Variants in DNAJC15 observed in about 807,000 individuals in gnomAD.
DNAJC15 encodes the protein dnaJ homolog subfamily C member 15.
A neutral mutation model predicts 22.4 loss-of-function variants in DNAJC15; 27 were observed. The observed-to-expected ratio is 1.20, with a 90% CI of 0.89 to 1.66. The LOEUF (loss-of-function observed/expected upper bound fraction) is 1.66. DNAJC15 is among the 40% of genes most tolerant of loss of function. DNAJC15 has a pLI of 0.00. For missense variants in DNAJC15, 208 were observed against 187.1 expected (o/e 1.11, Z -0.65); for synonymous variants, 79 against 63.2 (o/e 1.25, Z -1.19).
At chr13:43,072,808 C>G (rs1347464920) in intron 3 of DNAJC15, among the ~76,000 whole-genome samples, 1 of 152,204 alleles carries the variant, frequency 6.6e-6, no homozygotes, top group Non-Finnish European at 1.5e-5. Flanking sequence ...AAGTGATCCA[C>G]CCACCTCAAC....
chr13:43,042,342 C>T (rs1411370686), intron 1 of DNAJC15, among the ~76,000 whole-genome samples: 12 of 152,088 alleles, frequency 7.9e-5, no homozygotes, highest in Admixed American at 7.9e-4. Context: ...TTATTATAAC[C>T]ATGGAAAGCA....
intron 1 of DNAJC15, among the ~76,000 whole-genome samples, chr13:43,060,629 C>A (rs1429077422): frequency 6.6e-6 from 1 of 152,070 alleles, no homozygotes; most frequent in Non-Finnish European, 1.5e-5. Context: ...AAGTCGAGGC[C>A]TTGGTGATTT....
In DNAJC15 at chr13:43,083,861, T is replaced by C. The variant is rs78599548; in HGVS notation, c.312-1907T>C. Among the ~76,000 whole-genome samples, 695 of 152,286 alleles carry C rather than the reference T, an allele frequency of 4.6e-3. 7 individuals carry two copies. The highest frequency in any genetic ancestry group is 0.015 in the African/African-American group (638 of 41,564). On this transcript the variant is annotated intron_variant, in intron 4 of 5. Transcript: ENST00000379221. ...AGTTTAGAATGCTGCTTCAAAGACA[T>C]AGGTAAACAGCCAAGAGGAATACTC... is the stretch of plus-strand genomic sequence containing the variant.
intron 3 of DNAJC15, among the ~76,000 whole-genome samples, chr13:43,075,916 C>T (rs543404337): frequency 6.6e-6 from 1 of 152,342 alleles, no homozygotes; most frequent in East Asian, 1.9e-4. Flanking sequence ...CCGCCTCAGC[C>T]TCGCAAAGTG....
chr13:43,091,917 G>A (rs2040717159), intron 5 of DNAJC15, among the ~76,000 whole-genome samples: 1 of 152,074 alleles, frequency 6.6e-6, no homozygotes, highest in Admixed American at 6.6e-5. Context: ...CAATAATCTA[G>A]CATATGGTCA....
chr13:43,079,144 G>A (rs2040649874), intron 4 of DNAJC15, among the ~76,000 whole-genome samples: 1 of 152,202 alleles, frequency 6.6e-6, no homozygotes, highest in Middle Eastern at 3.4e-3. Context: ...TGGACAATAT[G>A]AGAGAAAATT....
chr13:43,038,573 A>C (rs1360884747), intron 1 of DNAJC15, among the ~76,000 whole-genome samples: 2 of 152,184 alleles, frequency 1.3e-5, no homozygotes, highest in Non-Finnish European at 2.9e-5. Context: ...CGGGCAGATC[A>C]CGAGGTCAGG....
chr13:43,066,914 C>T (rs9533376), intron 2 of DNAJC15, among the ~76,000 whole-genome samples: 31,741 of 152,210 alleles, frequency 0.21, 4,265 homozygotes, highest in Non-Finnish European at 0.3. Context: ...CCACCGTGCC[C>T]GGCCCATTCG....
chr13:43,077,338 TAA>T (rs2040638254), intron 3 of DNAJC15, among the ~76,000 whole-genome samples: 1 of 152,184 alleles, frequency 6.6e-6, no homozygotes, highest in African/African-American at 2.4e-5. Flanking sequence ...ATACTTTTAT[TAA>T]AGAGTGCTCT....
Position 43,050,317 on chromosome 13 carries a change from G to GT in DNAJC15, c.109-15362dup, listed in dbSNP as rs2040496881. Among the ~76,000 whole-genome samples the GT allele has an allele frequency of 2.0e-5, 3 of 151,822 alleles. No individual in the cohort carries two copies. The South Asian group carries it at 6.2e-4, about 31-fold the overall frequency. On this transcript the variant is annotated intron_variant, in intron 1 of 5. Transcript: ENST00000379221. ...CTTTAAAATTTTAAAAAATTTTTTA[G>GT]TTTTTTTGAGACAGGGTCTCACTCT... is the stretch of plus-strand genomic sequence containing the variant.
At chr13:43,025,441 C>T (rs2040376251) in intron 1 of DNAJC15, among the ~76,000 whole-genome samples, 1 of 152,148 alleles carries the variant, frequency 6.6e-6, no homozygotes, top group Admixed American at 6.5e-5. Context: ...AGTCCAGGTA[C>T]TTGAAGGCTA....
chr13:43,068,879 T>C lies in DNAJC15; in HGVS notation c.161-51T>C, dbSNP rs1274527495. The C allele has an allele frequency of 3.3e-6, 5 of 1,507,140 alleles. No individual in the cohort carries two copies. The East Asian group carries it at 9.2e-5, about 28-fold the overall frequency. 93.4% of individuals were successfully genotyped at this position (1,507,140 alleles called of 1,614,324 possible). On this transcript the variant is annotated intron_variant, in intron 2 of 5. Transcript: ENST00000379221. ...GTTGCAAGCACTTTGAAGGTGTTGA[T>C]TGATTTTGATTATAGAAAATACATT...
chr13:43,044,275 A>G (rs958498024), intron 1 of DNAJC15, among the ~76,000 whole-genome samples: 3 of 152,232 alleles, frequency 2.0e-5, no homozygotes, highest in African/African-American at 7.2e-5. Flanking sequence ...AACTCACTGC[A>G]AGATAACAAA....
chr13:43,033,892 G>T (rs2040415048), intron 1 of DNAJC15, among the ~76,000 whole-genome samples: 1 of 152,036 alleles, frequency 6.6e-6, no homozygotes, highest in African/African-American at 2.4e-5. Context: ...GCCGGGCATG[G>T]TAGCAGGTGC....
At chr13:43,099,908 TTGTC>T (rs1243601375) in intron 5 of DNAJC15, among the ~76,000 whole-genome samples, 2 of 152,142 alleles carry the variant, frequency 1.3e-5, no homozygotes, top group African/African-American at 4.8e-5. Flanking sequence ...TATGATATCT[TTGTC>T]TGGTTTTGGT....
chr13:43,075,249 G>A (rs867722852), intron 3 of DNAJC15, among the ~76,000 whole-genome samples: 5 of 151,992 alleles, frequency 3.3e-5, no homozygotes, highest in Non-Finnish European at 7.4e-5. Flanking sequence ...ACTTCTTCCC[G>A]ACACTAGATT....
At chr13:43,105,372 C>G (rs1215583252) in intron 5 of DNAJC15, among the ~76,000 whole-genome samples, 2 of 152,180 alleles carry the variant, frequency 1.3e-5, no homozygotes, top group East Asian at 1.9e-4. Flanking sequence ...TAATGTGAAT[C>G]AAACACTACT....
At chr13:43,075,709 C>T (rs926585476) in intron 3 of DNAJC15, among the ~76,000 whole-genome samples, 2 of 152,188 alleles carry the variant, frequency 1.3e-5, no homozygotes, top group African/African-American at 4.8e-5. Context: ...ATTGCCCAGG[C>T]TGGAGTGCAG....
chr13:43,068,929 G>A lies in DNAJC15; in HGVS notation c.161-1G>A, dbSNP rs1254905888. ...TTGCTTTTATTCCCTTTACTATTTA[G>A]GTCGCTACGCATTTCGGATCTGGAA... On this transcript the variant is annotated splice_acceptor_variant, in intron 2 of 5. Transcript: ENST00000379221. LOFTEE classifies it high-confidence loss of function. The A allele has an allele frequency of 6.2e-7, 1 of 1,611,536 alleles. No homozygotes were observed. The highest frequency in any genetic ancestry group is 1.7e-5 in the Admixed American group (1 of 59,654).
Sources: allele counts gnomAD v4.1 joint callset (sites outside exome capture counted in the v4.1 genomes callset), GRCh38; gene constraint gnomAD v4.1.1; transcripts MANE v1.5; gene names NCBI Gene and HGNC (gene_info 2026-07-23, HGNC 2026-07-21).